SDK2: variants seen among roughly 807,000 people sequenced by gnomAD.
SDK2 encodes sidekick cell adhesion molecule 2.
In SDK2, 105 loss-of-function variants were observed where a neutral mutation model predicts 253.9. The observed-to-expected ratio is 0.41, with a 90% confidence interval of 0.35 to 0.49. SDK2 has a LOEUF of 0.49. Among genes scored for constraint, SDK2 ranks in the 20% least tolerant of loss-of-function variants. The probability of loss-of-function intolerance (pLI) is 0.06; values close to 1 mark genes in which losing one functional copy is unlikely to be tolerated. For missense variants in SDK2, 2,608 were observed against 3,003.0 expected, an observed-to-expected ratio of 0.87 and a Z score of 3.07; for synonymous variants, 1,249 against 1,234.9, an observed-to-expected ratio of 1.01 and a Z score of -0.24.
At chr17:73,419,497 G>A (rs2063210477) in intron 15 of SDK2, among the ~76,000 whole-genome samples, 191 bp from the exon 16 acceptor site, 2 of 152,042 alleles carry the variant, frequency 1.3e-5, no homozygotes, top group South Asian at 4.2e-4. Flanking sequence ...CTACTTGCCT[G>A]CCTTATGAGA....
intron 1 of SDK2, among the ~76,000 whole-genome samples, chr17:73,628,856 AC>A (rs952978036): frequency 2.6e-5 from 4 of 151,656 alleles, no homozygotes; most frequent in African/African-American, 9.7e-5. Flanking sequence ...CTCTTCAGCC[AC>A]CCCCTCCCAC....
At position 73,369,732 on chromosome 17, in the gene SDK2, C is replaced by A. The variant is rs1036131693; in HGVS notation, c.4981-1139G>T. Reference sequence around the variant, plus strand: ...GGAGTGCTGTGGTGCGATCTTGCTCCGCCTCACGGGTTCACGCCATTCTCC... The same window carrying A: ...GGAGTGCTGTGGTGCGATCTTGCTCAGCCTCACGGGTTCACGCCATTCTCC... On this transcript the variant is annotated intron_variant, in intron 36 of 44. Coordinates refer to ENST00000392650, the MANE Select transcript of SDK2 (RefSeq NM_001144952.2). 2.6e-5 allele frequency among the ~76,000 whole-genome samples: 4 copies of A among 152,260 alleles called. 1 individual carries two copies. The highest frequency in any genetic ancestry group is 2.0e-4 in the Admixed American group (3 of 15,280).
chr17:73,614,840 GA>G (rs1435756513), intron 1 of SDK2, among the ~76,000 whole-genome samples: 4 of 149,130 alleles, frequency 2.7e-5, no homozygotes, highest in Non-Finnish European at 5.9e-5. Flanking sequence ...CGGAGGGAGG[GA>G]GGGGGACAAG....
Position 73,534,584 on chromosome 17 carries a change from C to G in SDK2, c.65-26987G>C, listed in dbSNP as rs2064198874. On this transcript the variant is annotated intron_variant, in intron 1 of 44. Coordinates refer to ENST00000392650, the MANE Select transcript of SDK2 (RefSeq NM_001144952.2). This position sits in a 1 kb window ranked among gnomAD's most constrained non-coding sequence, Gnocchi z 4.9. ...AGATGCACAGAGGCAGAGCGCGAGACCAGCAAGGCAGCAGGGAAGGCCGGT... is the reference window on the plus strand; with the variant it reads ...AGATGCACAGAGGCAGAGCGCGAGAGCAGCAAGGCAGCAGGGAAGGCCGGT... 6.6e-6 allele frequency among the ~76,000 whole-genome samples: 1 copy of G among 152,072 alleles called. No homozygotes were observed. The highest frequency in any genetic ancestry group is 2.1e-4 in the South Asian group (1 of 4,812).
Position 73,348,701 on chromosome 17 carries a change from G to A in SDK2, c.6063C>T (p.Gly2021=). 1 of 1,609,964 alleles carries A rather than the reference G, an allele frequency of 6.2e-7. No homozygotes were observed. Residue 2021 remains glycine, a synonymous_variant, in exon 44 of 45, where the codon GGC becomes GGT. Transcript: ENST00000392650. ...YTRSPPRPSP[G]SLHYSDEDVT... is the part of the protein sequence containing the mutation. ...CATCCTCATCCGAGTAGTGCAGGCT[G>A]CCTGGGCTGGGCCTGGGGGGAGACC... is the stretch of plus-strand genomic sequence containing the variant.
chr17:73,496,318 G>T lies in SDK2; in HGVS notation c.224+11120C>A, dbSNP rs1216257906. ...AACCGAGGCAGGGATTAGGCAGTTT[G>T]CTCAAAGGCACACAGTGAGTCAGGG... On this transcript the variant is annotated intron_variant, in intron 2 of 44. Transcript: ENST00000392650. The surrounding 1 kb of genome is among the most constrained non-coding windows in gnomAD (Gnocchi z 4.7). Among the ~76,000 whole-genome samples the T allele has an allele frequency of 6.6e-6, 1 of 152,168 alleles. No homozygotes were observed. The highest frequency in any genetic ancestry group is 1.5e-5 in the Non-Finnish European group (1 of 68,040).
chr17:73,580,181 C>T (rs566307226), intron 1 of SDK2, among the ~76,000 whole-genome samples: 8 of 152,292 alleles, frequency 5.3e-5, no homozygotes, highest in East Asian at 1.9e-4. Flanking sequence ...TGAAAACAGA[C>T]GCCTTCCCTG....
chr17:73,412,063 T>G (rs796894279), intron 18 of SDK2, among the ~76,000 whole-genome samples: 3 of 24,822 alleles, frequency 1.2e-4, no homozygotes, highest in African/African-American at 2.8e-4. Context: ...CGTATATGTA[T>G]ATATACGTAT....
intron 18 of SDK2, among the ~76,000 whole-genome samples, chr17:73,403,321 C>T (rs1410205081): frequency 6.6e-6 from 1 of 152,144 alleles, no homozygotes; most frequent in East Asian, 1.9e-4. Context: ...GTTGGGATTT[C>T]CATCTTAAAT....
At position 73,455,776 on chromosome 17, in the gene SDK2, G is replaced by T; in HGVS notation, c.479+130C>A. ...CCTGGGAGGTCCCCTACCTGGCTGT[G>T]TCCCACAGGAGCTGAAAGGGGCTTC... is the stretch of plus-strand genomic sequence containing the variant. On this transcript the variant is annotated intron_variant, in intron 4 of 44. Coordinates refer to ENST00000392650, the MANE Select transcript of SDK2 (RefSeq NM_001144952.2). This position sits in a 1 kb window ranked among gnomAD's most constrained non-coding sequence, Gnocchi z 5.0. 9.4e-7 allele frequency: 1 copy of T among 1,066,498 alleles called. No homozygotes were observed. Among genetic ancestry groups the T allele is most frequent in the Non-Finnish European group, 1.3e-6 (1 of 774,220 alleles). The allele number at this position is 1,066,498 out of a possible 1,614,324, so 66.1% of individuals were successfully genotyped here.
chr17:73,561,320 C>T (rs1402876911), intron 1 of SDK2, among the ~76,000 whole-genome samples: 1 of 152,142 alleles, frequency 6.6e-6, no homozygotes, highest in Non-Finnish European at 1.5e-5. Context: ...CAGATGATGA[C>T]GAGACCTAGG....
chr17:73,516,957 C>A (rs1423407425), intron 1 of SDK2: 2 of 152,172 alleles, frequency 1.3e-5, no homozygotes, highest in East Asian at 3.9e-4. Flanking sequence ...GGTGGCGGGG[C>A]CAGTCTAGGG....
chr17:73,611,547 C>T (rs1268580572), intron 1 of SDK2, among the ~76,000 whole-genome samples: 2 of 152,242 alleles, frequency 1.3e-5, no homozygotes, highest in Non-Finnish European at 2.9e-5. Flanking sequence ...CCCTAGTTCC[C>T]CTGTGGCCTC....
intron 3 of SDK2, among the ~76,000 whole-genome samples, chr17:73,460,843 T>G (rs1014200064): frequency 6.6e-6 from 1 of 152,252 alleles, no homozygotes; most frequent in African/African-American, 2.4e-5. Context: ...TAAAATAATT[T>G]TATCTACTTA....
intron 21 of SDK2, among the ~76,000 whole-genome samples, chr17:73,400,165 G>A (rs189388967): frequency 1.3e-4 from 20 of 152,286 alleles, no homozygotes; most frequent in Middle Eastern, 3.4e-3. Context: ...ATGGTTATCT[G>A]GTCCAACTTC....
intron 1 of SDK2, among the ~76,000 whole-genome samples, chr17:73,623,588 C>T (rs2046161335): frequency 6.6e-6 from 1 of 152,210 alleles, no homozygotes; most frequent in Admixed American, 6.5e-5. Context: ...TGCCTCTCTG[C>T]TCTGCAAAAG....
At position 73,438,024 on chromosome 17, in the gene SDK2, C is replaced by T. The variant is rs2063383788; in HGVS notation, c.856G>A (p.Ala286Thr). The change falls in exon 7 of 45, where the codon GCT (alanine) becomes ACT (threonine). Residue 286 changes from alanine to threonine, a missense_variant. Ala to Thr is a moderately conservative substitution (Grantham distance 58). Around this residue, in one of 2 missense-constraint regions of SDK2, gnomAD observed 1,505 missense variants for 1,859.1 expected, o/e 0.81. Transcript: ENST00000392650. ...GSDAGYYECE[A>T]VLRSSSVPSV... ...GGGACGCTGCTGCTGCGCAGGACAG[C>T]CTCACACTCGTAGTAGCCGGCGTCA... 5 of 1,551,468 alleles carry T rather than the reference C, an allele frequency of 3.2e-6. No individual in the cohort carries two copies. Among genetic ancestry groups the T allele is most frequent in the African/African-American group, 1.4e-5 (1 of 73,076 alleles).
chr17:73,507,417 G>C, intron 2 of SDK2, 21 bp downstream of exon 2: 1 of 1,544,338 alleles, frequency 6.5e-7, no homozygotes, highest in Non-Finnish European at 8.8e-7. Context: ...CCAGGAGGAA[G>C]GGCGGGGAGG....
intron 30 of SDK2, among the ~76,000 whole-genome samples, chr17:73,387,535 T>C (rs1012413046): frequency 6.6e-6 from 1 of 152,220 alleles, no homozygotes; most frequent in Non-Finnish European, 1.5e-5. Context: ...ACCGCCCGGC[T>C]GGAAGAATCA....
Sources: gnomAD v4.1 joint callset for allele counts (sites outside exome capture counted in the v4.1 genomes callset) on GRCh38, gnomAD v4.1.1 for gene constraint, gnomAD v4.1.1 regional missense constraint, Gnocchi (gnomAD v3.1) non-coding constraint, MANE v1.5 for transcripts, NCBI Gene and HGNC (gene_info 2026-07-23, HGNC 2026-07-21) for gene names.